SORCS2: variants seen among roughly 807,000 people sequenced by gnomAD.
SORCS2 encodes the protein sortilin related VPS10 domain containing receptor 2, also known as VPS10 domain-containing receptor SorCS2.
SORCS2 carries 100 observed loss-of-function variants against 141.6 expected under a neutral mutation model. That is an observed-to-expected ratio of 0.71 (90% CI 0.60 to 0.83). SORCS2 has a LOEUF of 0.83. Among genes scored for constraint, SORCS2 ranks in the 40% least tolerant of loss-of-function variants. The pLI, the probability that SORCS2 is intolerant of heterozygous loss-of-function variation, is 0.00. For synonymous variants in SORCS2, 789 were observed against 676.9 expected, an observed-to-expected ratio of 1.17 and a Z score of -2.57; for missense variants, 1,646 against 1,560.2, an observed-to-expected ratio of 1.05 and a Z score of -0.93.
intron 2 of SORCS2, among the ~76,000 whole-genome samples, chr4:7,493,963 A>G (rs1405459039): frequency 6.6e-5 from 10 of 152,168 alleles, no homozygotes; most frequent in Non-Finnish European, 1.5e-4. Flanking sequence ...CATTATGTTC[A>G]GTGCCCACTT....
rs779383513 is a variant in SORCS2 at position 7,714,339 on chromosome 4, C to G, written c.2089C>G (p.Arg697Gly). The stretch of plus-strand genomic sequence containing the variant: ...GAGCTTCACGTCGGCGCTCACGTCC[C>G]GCGTGTGCGAGTGCCGGGACTCGGA... ...GRSFTSALTS[R>G]VCECRDSDFL... The change falls in exon 16 of 27, where the codon CGC (arginine) becomes GGC (glycine). Residue 697 changes from arginine to glycine, a missense_variant. Transcript: ENST00000507866. The G allele has an allele frequency of 6.4e-7, 1 of 1,567,776 alleles. No homozygotes were observed. The highest frequency in any genetic ancestry group is 1.9e-5 in the Admixed American group (1 of 52,988).
rs554773077 is a variant in SORCS2, at chr4:7,361,188, C to T, written c.481-35100C>T. On this transcript the variant is annotated intron_variant, in intron 1 of 26. Coordinates refer to ENST00000507866, the MANE Select transcript of SORCS2 (RefSeq NM_020777.3). The stretch of plus-strand genomic sequence containing the variant: ...AAAATACATAATTTGGAGGTAACTT[C>T]GTTATGCCTAATTGTGCCACATAGA... Among the ~76,000 whole-genome samples the T allele has an allele frequency of 5.3e-5, 8 of 152,304 alleles. No individual in the cohort carries two copies. In the East Asian group the frequency reaches 7.7e-4, roughly 15 times the overall value.
intron 10 of SORCS2, among the ~76,000 whole-genome samples, chr4:7,688,627 G>T (rs546143353): frequency 1.4e-4 from 21 of 152,296 alleles, no homozygotes; most frequent in Admixed American, 3.3e-4. Flanking sequence ...TTTAGAGGAG[G>T]TACGAGGAGT....
chr4:7,661,657 A>G (rs1027805326), intron 6 of SORCS2, 93 bp downstream of exon 6: 14 of 1,199,812 alleles, frequency 1.2e-5, no homozygotes, highest in Non-Finnish European at 1.6e-5. Context: ...CTTGTCCGCA[A>G]TGGCTGGCCC....
intron 11 of SORCS2, among the ~76,000 whole-genome samples, chr4:7,691,351 G>A (rs1724238428): frequency 6.6e-6 from 1 of 152,220 alleles, no homozygotes; most frequent in African/African-American, 2.4e-5. Flanking sequence ...GTGATGGCAG[G>A]AATGGCCTTC....
intron 3 of SORCS2, among the ~76,000 whole-genome samples, chr4:7,627,416 GTC>G (rs1560437223): frequency 6.6e-6 from 1 of 152,216 alleles, no homozygotes. Context: ...CCTGGCATCA[GTC>G]TGCTTGCCTC....
chr4:7,591,960 C>T (rs1450395907), intron 3 of SORCS2, among the ~76,000 whole-genome samples: 4 of 152,158 alleles, frequency 2.6e-5, no homozygotes, highest in East Asian at 1.9e-4. Flanking sequence ...CCATTTCAGC[C>T]GACCAACAGA....
intron 14 of SORCS2, among the ~76,000 whole-genome samples, chr4:7,709,589 G>T (rs1163079694): frequency 6.6e-6 from 1 of 152,212 alleles, no homozygotes; most frequent in Non-Finnish European, 1.5e-5. Flanking sequence ...CAAACTGCAG[G>T]AGAGGGAACA....
intron 1 of SORCS2, among the ~76,000 whole-genome samples, chr4:7,351,704 TCCATCCTTCTAC>T (rs1720952192): frequency 7.4e-6 from 1 of 135,788 alleles, no homozygotes; most frequent in Admixed American, 7.9e-5. Flanking sequence ...CATCCATCCA[TCCATCCTTCTAC>T]CCATCCATCT....
intron 4 of SORCS2, among the ~76,000 whole-genome samples, chr4:7,640,411 AGTGT>A (rs1187362633): frequency 1.5e-4 from 10 of 67,558 alleles, no homozygotes; most frequent in Admixed American, 1.1e-3. Flanking sequence ...TGTGTGGGTG[AGTGT>A]GTGTGATCGT....
rs567771556 is a variant in SORCS2 at position 7,705,737 on chromosome 4, C to G, written c.1868+1453C>G. Among the ~76,000 whole-genome samples, 23 of 152,380 alleles carry G rather than the reference C, an allele frequency of 1.5e-4. No individual in the cohort carries two copies. The East Asian group carries it at 4.2e-3, about 28-fold the overall frequency. On this transcript the variant is annotated intron_variant, in intron 14 of 26. Coordinates refer to ENST00000507866, the MANE Select transcript of SORCS2 (RefSeq NM_020777.3). ...TCACACCCTGAGTTTTCCCTTCCAGCTGGCAATGGGCCTTCACACCCTCGA... is the reference window on the plus strand; with the variant it reads ...TCACACCCTGAGTTTTCCCTTCCAGGTGGCAATGGGCCTTCACACCCTCGA...
At chr4:7,499,160 G>A (rs1265962533) in intron 2 of SORCS2, among the ~76,000 whole-genome samples, 3 of 151,700 alleles carry the variant, frequency 2.0e-5, no homozygotes, top group Admixed American at 2.0e-4. Flanking sequence ...ACGAGTATGT[G>A]CATGTGAGTG....
At chr4:7,227,339 T>C (rs1319940342) in intron 1 of SORCS2, among the ~76,000 whole-genome samples, 1 of 152,200 alleles carries the variant, frequency 6.6e-6, no homozygotes, top group African/African-American at 2.4e-5. Flanking sequence ...GGTTCCCCTT[T>C]CCTGTGCTCT....
intron 2 of SORCS2, among the ~76,000 whole-genome samples, chr4:7,419,326 T>G (rs1380040950): frequency 6.6e-6 from 1 of 152,064 alleles, no homozygotes; most frequent in Non-Finnish European, 1.5e-5. Context: ...GAAGACCTTT[T>G]TGCTGGGTAG....
chr4:7,676,284 C>T, intron 9 of SORCS2, 55 bp downstream of exon 9: 2 of 1,521,348 alleles, frequency 1.3e-6, no homozygotes, highest in South Asian at 1.2e-5. Flanking sequence ...GCCCTCTGCC[C>T]TCTCACCCCA....
intron 3 of SORCS2, among the ~76,000 whole-genome samples, chr4:7,541,841 A>G (rs911235754): frequency 6.6e-6 from 1 of 152,212 alleles, no homozygotes; most frequent in Non-Finnish European, 1.5e-5. Context: ...AGAAAAACGC[A>G]GATAGAAACC....
At chr4:7,231,622 C>A (rs1485309793) in intron 1 of SORCS2, among the ~76,000 whole-genome samples, 1 of 152,230 alleles carries the variant, frequency 6.6e-6, no homozygotes, top group Non-Finnish European at 1.5e-5. Flanking sequence ...GCACTGGGGA[C>A]CCCCAGATGA....
At chr4:7,582,897 C>T (rs1440768340) in intron 3 of SORCS2, among the ~76,000 whole-genome samples, 1 of 152,184 alleles carries the variant, frequency 6.6e-6, no homozygotes, top group African/African-American at 2.4e-5. Context: ...CATCACTGCC[C>T]TCTCTACTGA....
At chr4:7,238,571 A>C (rs1312874603) in intron 1 of SORCS2, among the ~76,000 whole-genome samples, 1 of 152,026 alleles carries the variant, frequency 6.6e-6, no homozygotes, top group Non-Finnish European at 1.5e-5. Context: ...ACGTGTGTGC[A>C]TATATGTGTG....
Sources: allele counts gnomAD v4.1 joint callset (sites outside exome capture counted in the v4.1 genomes callset), GRCh38; gene constraint gnomAD v4.1.1; transcripts MANE v1.5; gene names NCBI Gene and HGNC (gene_info 2026-07-23, HGNC 2026-07-21).